The following NELL1 variants were observed in gnomAD, a reference collection of about 807,000 sequenced individuals.
NELL1 encodes the protein protein kinase C-binding protein NELL1.
A neutral mutation model predicts 107.4 loss-of-function variants in NELL1; 76 were observed. The ratio of observed to expected loss-of-function variants is 0.71; its 90% confidence interval spans 0.59 to 0.86. NELL1 has a LOEUF of 0.86. Ranked by LOEUF, NELL1 falls within the 40% of genes least tolerant of loss-of-function variation. The pLI, the probability that NELL1 is intolerant of heterozygous loss-of-function variation, is 0.00. For synonymous variants in NELL1, 353 were observed against 341.2 expected (o/e 1.03, Z -0.38); for missense variants, 1,024 against 1,005.5 (o/e 1.02, Z -0.25).
chr11:20,886,838 A>T (rs1849519102), intron 5 of NELL1, among the ~76,000 whole-genome samples: 1 of 152,180 alleles, frequency 6.6e-6, no homozygotes, highest in Non-Finnish European at 1.5e-5. Flanking sequence ...ATAATAAAAT[A>T]ATACCAAAAA....
intron 3 of NELL1, among the ~76,000 whole-genome samples, chr11:20,792,157 TA>T (rs1168403409): frequency 1.3e-5 from 2 of 152,114 alleles, no homozygotes; most frequent in African/African-American, 4.8e-5. Context: ...ATAGCTTTTT[TA>T]AGCTAACATT....
At chr11:21,559,215 A>C (rs550495874) in intron 16 of NELL1, among the ~76,000 whole-genome samples, 2 of 152,142 alleles carry the variant, frequency 1.3e-5, no homozygotes, top group Non-Finnish European at 2.9e-5. Context: ...AACCAAGTAG[A>C]CTAGTAGACA....
chr11:20,740,260 T>C (rs2133932945), intron 2 of NELL1, among the ~76,000 whole-genome samples: 1 of 152,304 alleles, frequency 6.6e-6, no homozygotes, highest in African/African-American at 2.4e-5. Flanking sequence ...GTCCACACTC[T>C]TGATCGTACC....
intron 12 of NELL1, among the ~76,000 whole-genome samples, chr11:20,969,555 G>A (rs369781996): frequency 7.2e-5 from 11 of 151,858 alleles, no homozygotes; most frequent in African/African-American, 2.7e-4. Flanking sequence ...GATTGTCTCT[G>A]CCTGGGAGTT....
chr11:21,383,679 A>G (rs1416687344), intron 15 of NELL1: 2 of 148,724 alleles, frequency 1.3e-5, no homozygotes, highest in African/African-American at 4.9e-5. Flanking sequence ...ATATATATAT[A>G]TAAATATATC....
intron 2 of NELL1, among the ~76,000 whole-genome samples, chr11:20,718,098 G>A (rs1038959803): frequency 6.6e-6 from 1 of 152,146 alleles, no homozygotes; most frequent in African/African-American, 2.4e-5. Context: ...TATAAAAGGA[G>A]AGGGTTGAAT....
chr11:20,919,320 A>G lies in NELL1; in HGVS notation c.745A>G (p.Lys249Glu), dbSNP rs753572597. The G allele has an allele frequency of 2.5e-6, 4 of 1,596,502 alleles. No individual in the cohort carries two copies. The highest frequency in any genetic ancestry group is 3.4e-6 in the Non-Finnish European group (4 of 1,166,986). The part of the protein sequence containing the change: ...GIMDLQELLA[K>E]MTAKLNYAET... ...AATGGATTTACAAGAGCTTTTGGCC[A>G]AGATGACTGCAAAAGTAGGTATCTA... The change falls in exon 7 of 20, where the codon AAG (lysine) becomes GAG (glutamate). Residue 249 changes from lysine to glutamate, a missense_variant. Transcript: ENST00000357134.
At chr11:20,695,775 G>T (rs1222510546) in intron 2 of NELL1, among the ~76,000 whole-genome samples, 2 of 152,080 alleles carry the variant, frequency 1.3e-5, no homozygotes, top group Non-Finnish European at 2.9e-5. Flanking sequence ...ATAACAGGGT[G>T]ATGCTGGCTT....
chr11:20,990,559 T>C (rs1851950448), intron 12 of NELL1, among the ~76,000 whole-genome samples: 1 of 152,234 alleles, frequency 6.6e-6, no homozygotes, highest in Admixed American at 6.5e-5. Flanking sequence ...ACACAGACAT[T>C]GGTAGTTTCA....
At chr11:21,435,620 A>G (rs1339622958) in intron 15 of NELL1, among the ~76,000 whole-genome samples, 1 of 151,614 alleles carries the variant, frequency 6.6e-6, no homozygotes, top group Non-Finnish European at 1.5e-5. Flanking sequence ...CATTCTGTTG[A>G]TCACATTATT....
chr11:21,397,282 A>G (rs4417265), intron 15 of NELL1, among the ~76,000 whole-genome samples: 74,066 of 151,374 alleles, frequency 0.49, 18,968 homozygotes, highest in East Asian at 0.61. Context: ...GTGAAGACTG[A>G]GCATCAGGCA....
At chr11:20,723,827 A>G (rs1471330058) in intron 2 of NELL1, among the ~76,000 whole-genome samples, 1 of 152,156 alleles carries the variant, frequency 6.6e-6, no homozygotes, top group East Asian at 1.9e-4. Flanking sequence ...CTACCTGTAC[A>G]TCCAGGTGTT....
chr11:20,686,097 C>G (rs981712146), intron 2 of NELL1, among the ~76,000 whole-genome samples: 15 of 151,982 alleles, frequency 9.9e-5, no homozygotes, highest in Admixed American at 9.2e-4. Context: ...AAAAACAGTT[C>G]ATTATTCTTT....
chr11:21,404,916 A>G (rs1022364297), intron 15 of NELL1, among the ~76,000 whole-genome samples: 1 of 152,026 alleles, frequency 6.6e-6, no homozygotes, highest in Non-Finnish European at 1.5e-5. Context: ...AAGTCCCCTT[A>G]CTATTCACTT....
chr11:20,743,623 T>C (rs145516858), intron 2 of NELL1, among the ~76,000 whole-genome samples: 57 of 152,252 alleles, frequency 3.7e-4, no homozygotes, highest in African/African-American at 1.2e-3. Context: ...TTGCCTGCTT[T>C]CCTCTTACCC....
intron 2 of NELL1, among the ~76,000 whole-genome samples, chr11:20,724,990 G>A (rs564099977): frequency 6.6e-6 from 1 of 152,206 alleles, no homozygotes; most frequent in Non-Finnish European, 1.5e-5. Flanking sequence ...TGGCAGGAGA[G>A]AAAGAGAATG....
chr11:20,921,838 G>A (rs1255336463), intron 7 of NELL1, among the ~76,000 whole-genome samples: 6 of 144,892 alleles, frequency 4.1e-5, no homozygotes, highest in Non-Finnish European at 6.0e-5. Context: ...CTTAATGCAC[G>A]CTTTTGGCTA....
chr11:21,405,920 A>G (rs1371493614), intron 15 of NELL1, among the ~76,000 whole-genome samples: 1 of 152,024 alleles, frequency 6.6e-6, no homozygotes, highest in East Asian at 1.9e-4. Flanking sequence ...CTAGGCCAGA[A>G]TGGACACTGG....
intron 14 of NELL1, among the ~76,000 whole-genome samples, chr11:21,295,723 A>G (rs1291417578): frequency 1.3e-5 from 2 of 152,048 alleles, no homozygotes; most frequent in East Asian, 1.9e-4. Context: ...GACAACTTGC[A>G]TAACATTGGA....
Sources: gnomAD v4.1 joint callset for allele counts (sites outside exome capture counted in the v4.1 genomes callset) on GRCh38, gnomAD v4.1.1 for gene constraint, MANE v1.5 for transcripts, NCBI Gene and HGNC (gene_info 2026-07-23, HGNC 2026-07-21) for gene names.